The following ANKRD36 variants were observed in gnomAD, a reference collection of about 807,000 sequenced individuals.
ANKRD36 encodes ankyrin repeat domain 36, also known as ankyrin repeat domain-containing protein 36A.
Under a neutral mutation model 278.1 loss-of-function variants are expected in ANKRD36, and 179 were observed. The observed-to-expected ratio is 0.64, with a 90% CI of 0.57 to 0.73. ANKRD36 has a LOEUF of 0.73. Ranked by LOEUF, ANKRD36 falls within the 30% of genes least tolerant of loss-of-function variation. ANKRD36 has a pLI of 0.00. For synonymous variants in ANKRD36, 320 were observed against 641.1 expected (o/e 0.50, Z 7.57); for missense variants, 1,159 against 1,956.7 (o/e 0.59, Z 7.69).
At chr2:97,174,600 A>C (rs1166162627) in intron 22 of ANKRD36, among the ~76,000 whole-genome samples, 1 of 151,724 alleles carries the variant, frequency 6.6e-6, no homozygotes, top group Non-Finnish European at 1.5e-5. Flanking sequence ...CTCTTTTCCT[A>C]ATTGAATACC....
chr2:97,145,933 T>C (rs1394445587), intron 10 of ANKRD36, among the ~76,000 whole-genome samples: 6 of 152,078 alleles, frequency 3.9e-5, no homozygotes, highest in Admixed American at 3.9e-4. Context: ...TAATTGTCAT[T>C]GTGTACCTGC....
chr2:97,149,221 G>A (rs1469606526), intron 11 of ANKRD36, 74 bp from the exon 12 acceptor site: 3 of 1,280,502 alleles, frequency 2.3e-6, no homozygotes, highest in African/African-American at 2.9e-5. Flanking sequence ...GGACATACGT[G>A]TATAGACTGA....
intron 66 of ANKRD36, among the ~76,000 whole-genome samples, chr2:97,219,559 A>T (rs2066853840): frequency 2.0e-5 from 3 of 149,726 alleles, no homozygotes; most frequent in South Asian, 4.4e-4. Flanking sequence ...GTAACTCACG[A>T]CAACCTCCAC....
intron 1 of ANKRD36, 50 bp from the exon 2 acceptor site, chr2:97,118,014 T>C (rs1339907168): frequency 6.5e-7 from 1 of 1,533,294 alleles, no homozygotes. Context: ...AATGACATGC[T>C]AATTAATGCT....
In ANKRD36 at chr2:97,118,181, A is replaced by T; in HGVS notation, c.312+3A>T. 6.3e-7 allele frequency: 1 copy of T among 1,583,858 alleles called. No individual in the cohort carries two copies. The highest frequency in any genetic ancestry group is 1.1e-5 in the South Asian group (1 of 87,014). ...AAGACAGGACACCTCTGATCAAGGT[A>T]TATAGTAGCTGACTCTTTGAGCATG... On this transcript the variant is annotated splice_donor_region_variant and intron_variant, in intron 2 of 75. Coordinates refer to ENST00000420699, the MANE Select transcript of ANKRD36 (RefSeq NM_001354587.1).
intron 11 of ANKRD36, among the ~76,000 whole-genome samples, chr2:97,146,890 T>C (rs1413151413): frequency 6.6e-6 from 1 of 151,840 alleles, no homozygotes; most frequent in East Asian, 1.9e-4. Flanking sequence ...ATTCAGAAAG[T>C]CACATTTTGT....
In ANKRD36 at chr2:97,133,730, T is replaced by C. The variant is rs562910547; in HGVS notation, c.799+6596T>C. Among the ~76,000 whole-genome samples the C allele has an allele frequency of 9.3e-4, 142 of 152,164 alleles. 1 individual carries two copies. The highest frequency in any genetic ancestry group is 1.1e-3 in the Non-Finnish European group (77 of 68,002). On this transcript the variant is annotated intron_variant, in intron 6 of 75. Transcript: ENST00000420699. ...ATAGCAATATATTAGTAATAGAAGA[T>C]TCAGTGAAAATCTTTTTAAAAAATT... is the stretch of plus-strand genomic sequence containing the variant.
At chr2:97,143,102 A>G (rs1559310327) in intron 8 of ANKRD36, among the ~76,000 whole-genome samples, 1 of 151,994 alleles carries the variant, frequency 6.6e-6, no homozygotes, top group Non-Finnish European at 1.5e-5. Flanking sequence ...GGGACAGCAT[A>G]TTCTTACTTT....
chr2:97,227,847 CGTT>C (rs2070421257), intron 67 of ANKRD36, among the ~76,000 whole-genome samples: 1 of 152,056 alleles, frequency 6.6e-6, no homozygotes, highest in South Asian at 2.1e-4. Context: ...TAGCATGAAG[CGTT>C]GTTGAATTTT....
At chr2:97,141,939 A>G (rs1269305028) in intron 6 of ANKRD36, among the ~76,000 whole-genome samples, 3 of 152,242 alleles carry the variant, frequency 2.0e-5, no homozygotes, top group Non-Finnish European at 4.4e-5. Flanking sequence ...TTGACAAATG[A>G]TGATACTTTT....
chr2:97,124,858 G>C (rs1227983831), intron 5 of ANKRD36, among the ~76,000 whole-genome samples: 2 of 151,890 alleles, frequency 1.3e-5, no homozygotes, highest in African/African-American at 4.8e-5. Flanking sequence ...TTTCTCCTTA[G>C]GGATTCCAAT....
chr2:97,211,219 G>A (rs1041988128), intron 56 of ANKRD36, among the ~76,000 whole-genome samples: 1 of 152,026 alleles, frequency 6.6e-6, no homozygotes, highest in African/African-American at 2.4e-5. Context: ...TTGATTCTCA[G>A]GTGTATGAGT....
At position 97,156,932 on chromosome 2, in the gene ANKRD36, A is replaced by G. The variant is rs140160986; in HGVS notation, c.1261-1175A>G. On this transcript the variant is annotated intron_variant, in intron 15 of 75. Coordinates refer to ENST00000420699, the MANE Select transcript of ANKRD36 (RefSeq NM_001354587.1). ...ACCATTCTAACAGGTGTGAGATGGTATCTCATGGTGGTCTTGATTTGCATT... is the reference window on the plus strand; with the variant it reads ...ACCATTCTAACAGGTGTGAGATGGTGTCTCATGGTGGTCTTGATTTGCATT... Among the ~76,000 whole-genome samples, 377 of 152,000 alleles carry G rather than the reference A, an allele frequency of 2.5e-3. 4 individuals are homozygous for G. The highest frequency in any genetic ancestry group is 8.9e-3 in the African/African-American group (369 of 41,510).
intron 54 of ANKRD36, among the ~76,000 whole-genome samples, chr2:97,208,750 T>G (rs1364205385): frequency 6.8e-6 from 1 of 146,580 alleles, no homozygotes; most frequent in Non-Finnish European, 1.5e-5. Flanking sequence ...ATTTGCTTCC[T>G]TGTTCAAGGA....
In ANKRD36 at chr2:97,196,575, A is replaced by G. The variant is rs2059830631; in HGVS notation, c.2552-18A>G. 6 of 1,604,608 alleles carry G rather than the reference A, an allele frequency of 3.7e-6. No individual in the cohort carries two copies. The highest frequency in any genetic ancestry group is 4.2e-6 in the Non-Finnish European group (5 of 1,178,680). ...CATATTTATGTATGACTGATTATGA[A>G]TCCCTTTTGCTTTTCAGTGTCTTCT... On this transcript the variant is annotated intron_variant, in intron 40 of 75. Transcript: ENST00000420699.
At chr2:97,228,329 A>G (rs1398553065) in intron 67 of ANKRD36, among the ~76,000 whole-genome samples, 1 of 152,064 alleles carries the variant, frequency 6.6e-6, no homozygotes, top group African/African-American at 2.4e-5. Flanking sequence ...TTATTGGTCT[A>G]TTCAGAGATT....
rs896660763 is a variant in ANKRD36, at chr2:97,149,303, A to G, written c.1043A>G (p.Tyr348Cys). The G allele has an allele frequency of 1.3e-6, 2 of 1,534,214 alleles. No homozygotes were observed. Among genetic ancestry groups the G allele is most frequent in the South Asian group, 1.2e-5 (1 of 83,816 alleles). The change falls in exon 12 of 76, where the codon TAC becomes TGC. Residue 348 changes from tyrosine (Y) to cysteine (C), a missense_variant. Physicochemically the swap from Tyr to Cys is radical, Grantham distance 194. Coordinates refer to ENST00000420699, the MANE Select transcript of ANKRD36 (RefSeq NM_001354587.1). ...ATCTTTTTGCTCTGTAGGAGTCTCT[A>G]CAGACCTGATGCTGTTGCACAGCCT... ...AVEQCLNRSL[Y>C]RPDAVAQPVT...
intron 60 of ANKRD36, among the ~76,000 whole-genome samples, chr2:97,214,002 A>C (rs1206567777): frequency 2.6e-5 from 4 of 151,708 alleles, no homozygotes; most frequent in Non-Finnish European, 5.9e-5. Context: ...TAGTGATCCT[A>C]ATAACCTGTA....
intron 30 of ANKRD36, among the ~76,000 whole-genome samples, chr2:97,186,071 A>G (rs796438500): frequency 6.6e-6 from 1 of 151,812 alleles, no homozygotes; most frequent in African/African-American, 2.4e-5. Context: ...CATTTAGCAT[A>G]TTTACACAAA....
Sources: gnomAD v4.1 joint callset for allele counts (sites outside exome capture counted in the v4.1 genomes callset) on GRCh38, gnomAD v4.1.1 for gene constraint, MANE v1.5 for transcripts, NCBI Gene and HGNC (gene_info 2026-07-23, HGNC 2026-07-21) for gene names.